The following FOXP1 variants were observed in gnomAD, a reference collection of about 807,000 sequenced individuals.
FOXP1 encodes forkhead box protein P1.
FOXP1 carries 15 observed loss-of-function variants against 98.2 expected under a neutral mutation model. The observed-to-expected ratio is 0.15, with a 90% CI of 0.10 to 0.24. The LOEUF (loss-of-function observed/expected upper bound fraction) is 0.24, where lower values mean the gene tolerates loss of function less well. Ranked by LOEUF, FOXP1 falls within the 10% of genes least tolerant of loss-of-function variation. The pLI, the probability that FOXP1 is intolerant of heterozygous loss-of-function variation, is 1.00. For missense variants in FOXP1, 633 were observed against 848.5 expected (o/e 0.75, Z 3.15); for synonymous variants, 371 against 314.5 (o/e 1.18, Z -1.90).
intron 12 of FOXP1, among the ~76,000 whole-genome samples, chr3:71,012,037 A>AT (rs2043728857): frequency 6.6e-6 from 1 of 152,188 alleles, no homozygotes; most frequent in African/African-American, 2.4e-5. Context: ...TACGGTAGGC[A>AT]TAAGTTAGCC....
At chr3:71,130,660 C>T (rs1382625539) in intron 6 of FOXP1, 4 of 1,594,724 alleles carry the variant, frequency 2.5e-6, no homozygotes, top group South Asian at 2.2e-5. Flanking sequence ...GAAGCACACT[C>T]GAAGAGAAAA....
At chr3:71,157,439 G>T (rs1438992679) in intron 6 of FOXP1, among the ~76,000 whole-genome samples, 1 of 152,150 alleles carries the variant, frequency 6.6e-6, no homozygotes, top group Non-Finnish European at 1.5e-5. Context: ...AATACAAATT[G>T]GAATGTTACC....
At chr3:70,966,671 A>G (rs2034852604) in intron 19 of FOXP1, among the ~76,000 whole-genome samples, 1 of 152,232 alleles carries the variant, frequency 6.6e-6, no homozygotes, top group Non-Finnish European at 1.5e-5. Flanking sequence ...GTAGTGTTTC[A>G]GAGTCCGACC....
chr3:71,529,795 C>A (rs957935127), intron 2 of FOXP1, among the ~76,000 whole-genome samples: 2 of 152,124 alleles, frequency 1.3e-5, no homozygotes, highest in African/African-American at 4.8e-5. Context: ...CCTTGTCCTG[C>A]GACTGTCTTC....
At chr3:71,545,087 G>A (rs890122353) in intron 2 of FOXP1, among the ~76,000 whole-genome samples, 1 of 144,094 alleles carries the variant, frequency 6.9e-6, no homozygotes, top group African/African-American at 2.6e-5. Context: ...ACCATGGGTG[G>A]TAAAACAATT....
At chr3:71,321,752 G>C (rs1036994538) in intron 4 of FOXP1, among the ~76,000 whole-genome samples, 97 of 151,938 alleles carry the variant, frequency 6.4e-4, no homozygotes, top group African/African-American at 2.3e-3. Flanking sequence ...CTCCCAAGTA[G>C]CTGGGACTAC....
chr3:71,459,592 CCT>C (rs1160595599), intron 3 of FOXP1, among the ~76,000 whole-genome samples: 16 of 152,124 alleles, frequency 1.1e-4, no homozygotes, highest in Admixed American at 1.0e-3. Flanking sequence ...GTCTTGTGTC[CCT>C]CATGTAATAG....
At chr3:71,041,097 C>T (rs1420344023) in intron 11 of FOXP1, among the ~76,000 whole-genome samples, 2 of 151,970 alleles carry the variant, frequency 1.3e-5, no homozygotes, top group African/African-American at 4.8e-5. Flanking sequence ...CGACTTCTGC[C>T]CGGGTTCCTA....
At chr3:71,049,559 G>GAA (rs57894943) in intron 9 of FOXP1, among the ~76,000 whole-genome samples, 5 of 138,416 alleles carry the variant, frequency 3.6e-5, no homozygotes, top group African/African-American at 1.3e-4. Flanking sequence ...AGGAGGGAAG[G>GAA]AAAAAAAAAA....
At chr3:71,555,164 C>G (rs1294718899) in intron 2 of FOXP1, among the ~76,000 whole-genome samples, 1 of 152,308 alleles carries the variant, frequency 6.6e-6, no homozygotes, top group African/African-American at 2.4e-5. Flanking sequence ...TAAGAACACT[C>G]AGACTGCTTC....
chr3:71,231,646 T>C (rs1268940487), intron 5 of FOXP1, among the ~76,000 whole-genome samples: 1 of 152,222 alleles, frequency 6.6e-6, no homozygotes, highest in African/African-American at 2.4e-5. Context: ...GGCAACATTT[T>C]TAAACTATAA....
At chr3:71,261,510 C>T (rs1000087942) in intron 5 of FOXP1, among the ~76,000 whole-genome samples, 2 of 151,910 alleles carry the variant, frequency 1.3e-5, no homozygotes, top group South Asian at 4.1e-4. Context: ...TCTACATTTG[C>T]TAAGATCTGA....
At position 70,957,944 on chromosome 3, in the gene FOXP1, C is replaced by T. The variant is rs903787412; in HGVS notation, c.*1303G>A. 2 of 244,900 alleles carry T rather than the reference C, an allele frequency of 8.2e-6. No individual in the cohort carries two copies. Among genetic ancestry groups the T allele is most frequent in the Non-Finnish European group, 1.6e-5 (2 of 125,070 alleles). 15.2% of individuals were successfully genotyped at this position (244,900 alleles called of 1,614,324 possible). The stretch of plus-strand genomic sequence containing the variant: ...CTGAACTAATGTATAAACTCAGCGC[C>T]GCCGCCGCCACCCCTACTTTCAGGG... On this transcript the variant is annotated 3_prime_UTR_variant, in exon 21 of 21. Transcript: ENST00000649528.
intron 6 of FOXP1, among the ~76,000 whole-genome samples, chr3:71,165,859 T>C (rs1287378379): frequency 1.3e-5 from 2 of 152,036 alleles, no homozygotes; most frequent in African/African-American, 4.8e-5. Context: ...CCAGTCCAGG[T>C]TGTAGAATGA....
intron 11 of FOXP1, among the ~76,000 whole-genome samples, chr3:71,029,794 T>C (rs565551558): frequency 5.5e-4 from 84 of 152,346 alleles, no homozygotes; most frequent in South Asian, 1.2e-3. Context: ...ATGTTTGTTT[T>C]TCTGATTAGC....
At chr3:71,231,090 G>T (rs2066249376) in intron 5 of FOXP1, among the ~76,000 whole-genome samples, 1 of 152,072 alleles carries the variant, frequency 6.6e-6, no homozygotes, top group Non-Finnish European at 1.5e-5. Flanking sequence ...AGATCATTTT[G>T]GTGAAAAATC....
chr3:71,317,911 A>G, intron 4 of FOXP1, among the ~76,000 whole-genome samples: 1 of 152,230 alleles, frequency 6.6e-6, no homozygotes, highest in East Asian at 1.9e-4. Context: ...AGCTTAGTTT[A>G]CATACTTTTC....
chr3:71,002,871 G>A (rs2042293380), intron 12 of FOXP1, among the ~76,000 whole-genome samples: 1 of 152,098 alleles, frequency 6.6e-6, no homozygotes, highest in Non-Finnish European at 1.5e-5. Context: ...CCATCCACTC[G>A]ATGACACTGT....
At chr3:71,348,294 G>C (rs1256201633) in intron 4 of FOXP1, among the ~76,000 whole-genome samples, 1 of 152,098 alleles carries the variant, frequency 6.6e-6, no homozygotes, top group Admixed American at 6.6e-5. Flanking sequence ...ATAAAGGCCA[G>C]ACTTCAGTAA....
Sources: allele counts gnomAD v4.1 joint callset (sites outside exome capture counted in the v4.1 genomes callset), GRCh38; gene constraint gnomAD v4.1.1; transcripts MANE v1.5; gene names NCBI Gene and HGNC (gene_info 2026-07-23, HGNC 2026-07-21).